EIF2AK2: variants seen among roughly 807,000 people sequenced by gnomAD.
EIF2AK2 encodes the protein eukaryotic translation initiation factor 2 alpha kinase 2, also known as interferon-induced, double-stranded RNA-activated protein kinase.
A neutral mutation model predicts 70.5 loss-of-function variants in EIF2AK2; 40 were observed. The observed-to-expected ratio is 0.57, with a 90% CI of 0.44 to 0.74. The LOEUF is 0.74. EIF2AK2 is among the 30% of genes least tolerant of loss of function. EIF2AK2 has a pLI of 0.00. For missense variants in EIF2AK2, 555 were observed against 644.3 expected, an observed-to-expected ratio of 0.86 and a Z score of 1.50; for synonymous variants, 198 against 220.9, an observed-to-expected ratio of 0.90 and a Z score of 0.92.
intron 1 of EIF2AK2, among the ~76,000 whole-genome samples, chr2:37,152,118 T>C (rs987849803): frequency 6.6e-6 from 1 of 152,168 alleles, no homozygotes; most frequent in Non-Finnish European, 1.5e-5. Flanking sequence ...AAAAACATTA[T>C]GCAAAATGAA....
At chr2:37,126,147 C>A in intron 11 of EIF2AK2, 142 bp downstream of exon 11, 1 of 1,137,230 alleles carries the variant, frequency 8.8e-7, no homozygotes, top group Non-Finnish European at 1.2e-6. Context: ...GTAAGCCAAA[C>A]TCCTCTTGGT....
Position 37,107,082 on chromosome 2 carries a change from TA to T in EIF2AK2, c.*190del. 1.5e-6 allele frequency: 1 copy of T among 689,282 alleles called. No homozygotes were observed. The highest frequency in any genetic ancestry group is 2.1e-6 in the Non-Finnish European group (1 of 476,410). The allele number at this position is 689,282 out of a possible 1,614,324, so 42.7% of individuals were successfully genotyped here. ...AATAAAGAGATGAGCCAGGAAAAAG[TA>T]AAATGTAAGAATGTTTTTGAAGCAA... On this transcript the variant is annotated 3_prime_UTR_variant, in exon 17 of 17. Coordinates refer to ENST00000233057, the MANE Select transcript of EIF2AK2 (RefSeq NM_001135651.3).
At chr2:37,119,370 T>C (rs1169573055) in intron 13 of EIF2AK2, among the ~76,000 whole-genome samples, 1 of 152,086 alleles carries the variant, frequency 6.6e-6, no homozygotes, top group East Asian at 1.9e-4. Flanking sequence ...TAGGGAACCA[T>C]ATTCCTAAAG....
Position 37,126,271 on chromosome 2 carries a change from T to C in EIF2AK2, c.908+18A>G, listed in dbSNP as rs1241338479. ...GCGTACCTTGCCATTCAAAAAAATGTAAACATTTACTACTTACTCGTTATT... is the reference window on the plus strand; with the variant it reads ...GCGTACCTTGCCATTCAAAAAAATGCAAACATTTACTACTTACTCGTTATT... On this transcript the variant is annotated intron_variant, in intron 11 of 16. Coordinates refer to ENST00000233057, the MANE Select transcript of EIF2AK2 (RefSeq NM_001135651.3). 6.4e-7 allele frequency: 1 copy of C among 1,561,560 alleles called. No homozygotes were observed. Among genetic ancestry groups the C allele is most frequent in the Admixed American group, 2.0e-5 (1 of 49,074 alleles).
At chr2:37,121,112 A>C (rs573010765) in intron 12 of EIF2AK2, among the ~76,000 whole-genome samples, 2 of 149,202 alleles carry the variant, frequency 1.3e-5, no homozygotes, top group East Asian at 3.9e-4. Flanking sequence ...AAATACAAAA[A>C]ATTAGCCGGG....
intron 2 of EIF2AK2, among the ~76,000 whole-genome samples, chr2:37,148,100 C>A (rs1297888121): frequency 1.3e-5 from 2 of 152,134 alleles, no homozygotes; most frequent in Admixed American, 6.5e-5. Context: ...GGCGGATCAC[C>A]TGAGCTCAGG....
At position 37,154,058 on chromosome 2, in the gene EIF2AK2, G is replaced by C. The variant is rs140507083; in HGVS notation, c.-184+2850C>G. On this transcript the variant is annotated intron_variant, in intron 1 of 16. Transcript: ENST00000233057. ...CATCAATTCAGTGGCCAGGCGCGGT[G>C]GCTCACACCTGTAATCCCAGCACTT... 3.9e-3 allele frequency among the ~76,000 whole-genome samples: 595 copies of C among 152,214 alleles called. 5 individuals carry two copies. Among genetic ancestry groups the C allele is most frequent in the African/African-American group, 0.014 (567 of 41,518 alleles).
Position 37,105,640 on chromosome 2 carries a change from C to G in EIF2AK2, c.*1633G>C, listed in dbSNP as rs1673938890. On this transcript the variant is annotated 3_prime_UTR_variant, in exon 17 of 17. Transcript: ENST00000233057. The stretch of plus-strand genomic sequence containing the variant: ...AGTATCCATTTAAACCAATAAGAAA[C>G]AAACTAAAACAATTGCCCTAAGTTG... The G allele has an allele frequency of 6.6e-6, 1 of 152,164 alleles. No individual in the cohort carries two copies. Among genetic ancestry groups the G allele is most frequent in the African/African-American group, 2.4e-5 (1 of 41,432 alleles). The allele number at this position is 152,164 out of a possible 1,614,324, so 9.4% of individuals were successfully genotyped here.
rs1036770182 is a variant in EIF2AK2, at chr2:37,102,241, T to TA, written c.*5031dup. 5 of 149,640 alleles carry TA rather than the reference T, an allele frequency of 3.3e-5. No homozygotes were observed. The highest frequency in any genetic ancestry group is 1.9e-4 in the East Asian group (1 of 5,144). The allele number at this position is 149,640 out of a possible 1,614,324, so 9.3% of individuals were successfully genotyped here. On this transcript the variant is annotated 3_prime_UTR_variant, in exon 17 of 17. Coordinates refer to ENST00000233057, the MANE Select transcript of EIF2AK2 (RefSeq NM_001135651.3). ...GGTGACAGAGTGAGATCCTGTCTCT[T>TA]AAAAAAAAAATTACAATTAAATACT...
chr2:37,145,729 T>G (rs558512693), intron 4 of EIF2AK2, among the ~76,000 whole-genome samples: 2 of 146,504 alleles, frequency 1.4e-5, no homozygotes, highest in Non-Finnish European at 3.0e-5. Context: ...TATATGGGTG[T>G]ACTTTTGCTT....
intron 1 of EIF2AK2, among the ~76,000 whole-genome samples, chr2:37,150,608 A>G (rs1675709078): frequency 6.6e-6 from 1 of 152,188 alleles, no homozygotes. Context: ...CGGGAACAAC[A>G]CAATGCTTGC....
chr2:37,137,969 G>C (rs1380465291), intron 8 of EIF2AK2, among the ~76,000 whole-genome samples: 2 of 151,970 alleles, frequency 1.3e-5, no homozygotes, highest in African/African-American at 4.8e-5. Flanking sequence ...AAATTAGCCA[G>C]GTGTGGTACA....
At chr2:37,107,653 A>G (rs1674008470) in intron 15 of EIF2AK2, 126 bp from the exon 16 acceptor site, 2 of 1,010,342 alleles carry the variant, frequency 2.0e-6, no homozygotes, top group Non-Finnish European at 2.9e-6. Flanking sequence ...CTCTTTAGCC[A>G]AGAAGCAAGC....
In EIF2AK2 at chr2:37,120,031, C is replaced by T; in HGVS notation, c.1176G>A (p.Leu392=). The T allele has an allele frequency of 1.3e-6, 2 of 1,562,554 alleles. No homozygotes were observed. Among genetic ancestry groups the T allele is most frequent in the Non-Finnish European group, 1.7e-6 (2 of 1,151,002 alleles). The part of the protein sequence containing the change: ...RGEKLDKVLA[L]ELFEQITKGV... Reference sequence around the variant, plus strand: ...CTTTTGTTATTTGTTCAAAGAGTTCCAAAGCCAAAACTTTGTCTAGTTTCT... The same window carrying T: ...CTTTTGTTATTTGTTCAAAGAGTTCTAAAGCCAAAACTTTGTCTAGTTTCT... Residue 392 remains leucine, a synonymous_variant, in exon 13 of 17, where the codon TTG becomes TTA. Transcript: ENST00000233057.
At position 37,105,809 on chromosome 2, in the gene EIF2AK2, G is replaced by C. The variant is rs1298483699; in HGVS notation, c.*1464C>G. 1 of 152,100 alleles carries C rather than the reference G, an allele frequency of 6.6e-6. No homozygotes were observed. Among genetic ancestry groups the C allele is most frequent in the Non-Finnish European group, 1.5e-5 (1 of 68,070 alleles). The allele number at this position is 152,100 out of a possible 1,614,324, so 9.4% of individuals were successfully genotyped here. A position where few individuals can be genotyped will look rare whatever the true frequency, so the allele number is the denominator to read the frequency against. ...CCAGACCCCTTGTCCAGACTTCCTG[G>C]GTGGTCTCCTCTCTACTCATCTAAC... On this transcript the variant is annotated 3_prime_UTR_variant, in exon 17 of 17. Coordinates refer to ENST00000233057, the MANE Select transcript of EIF2AK2 (RefSeq NM_001135651.3).
intron 13 of EIF2AK2, among the ~76,000 whole-genome samples, chr2:37,115,411 G>A (rs1674307885): frequency 1.3e-5 from 2 of 151,834 alleles, no homozygotes; most frequent in African/African-American, 4.8e-5. Flanking sequence ...GGGCACAGCT[G>A]CCCTCGAATA....
chr2:37,149,225 C>T, intron 1 of EIF2AK2: 1 of 1,093,944 alleles, frequency 9.1e-7, no homozygotes. Context: ...AGCTGAATGC[C>T]ACTGTGACCG....
Position 37,101,748 on chromosome 2 carries a change from A to G in EIF2AK2, c.*5525T>C, listed in dbSNP as rs1306377955. 2 of 152,180 alleles carry G rather than the reference A, an allele frequency of 1.3e-5. No individual in the cohort carries two copies. The highest frequency in any genetic ancestry group is 3.8e-4 in the East Asian group (2 of 5,198). 9.4% of individuals were successfully genotyped at this position (152,180 alleles called of 1,614,324 possible). A position where few individuals can be genotyped will look rare whatever the true frequency, so the allele number is the denominator to read the frequency against. Reference sequence around the variant, plus strand: ...CAGAGTAAAGGAGACACATCAACCAAATGCAATGTTGGATCTAGATTTCAA... The same window carrying G: ...CAGAGTAAAGGAGACACATCAACCAGATGCAATGTTGGATCTAGATTTCAA... On this transcript the variant is annotated 3_prime_UTR_variant, in exon 17 of 17. Coordinates refer to ENST00000233057, the MANE Select transcript of EIF2AK2 (RefSeq NM_001135651.3).
Position 37,138,363 on chromosome 2 carries a change from G to C in EIF2AK2, c.594C>G (p.Leu198=). The C allele has an allele frequency of 1.2e-6, 2 of 1,612,774 alleles. No homozygotes were observed. ...CACCTTCAGATGATGATTCAGAAGCGCTAGAAGAAAAGGGTGTAACTATTA... is the reference window on the plus strand; with the variant it reads ...CACCTTCAGATGATGATTCAGAAGCCCTAGAAGAAAAGGGTGTAACTATTA... The part of the protein sequence containing the change: ...SQSNSLVTST[L]ASESSSEGDF... Residue 198 remains leucine (L), a splice_region_variant and synonymous_variant, in exon 8 of 17, where the codon CTC becomes CTG. Transcript: ENST00000233057.
Sources: gnomAD v4.1 joint callset for allele counts (sites outside exome capture counted in the v4.1 genomes callset) on GRCh38, gnomAD v4.1.1 for gene constraint, MANE v1.5 for transcripts, NCBI Gene and HGNC (gene_info 2026-07-23, HGNC 2026-07-21) for gene names.